DSCAM: variants seen among roughly 807,000 people sequenced by gnomAD.
DSCAM encodes cell adhesion molecule DSCAM.
A neutral mutation model predicts 217.7 loss-of-function variants in DSCAM; 47 were observed. The ratio of observed to expected loss-of-function variants is 0.22; its 90% confidence interval spans 0.17 to 0.28. DSCAM has a LOEUF of 0.28. DSCAM is among the 10% of genes least tolerant of loss of function. The probability of loss-of-function intolerance (pLI) is 1.00; values close to 1 mark genes in which losing one functional copy is unlikely to be tolerated. For synonymous variants in DSCAM, 1,056 were observed against 1,015.3 expected (o/e 1.04, Z -0.76); for missense variants, 2,080 against 2,618.3 (o/e 0.79, Z 4.49).
intron 3 of DSCAM, among the ~76,000 whole-genome samples, chr21:40,391,235 C>A (rs1246124187): frequency 1.3e-5 from 2 of 152,130 alleles, no homozygotes; most frequent in Non-Finnish European, 2.9e-5. Context: ...GAATGAGCAG[C>A]AATGAGTATT....
intron 3 of DSCAM, among the ~76,000 whole-genome samples, chr21:40,586,211 T>C (rs1444867951): frequency 6.6e-6 from 1 of 152,186 alleles, no homozygotes; most frequent in Non-Finnish European, 1.5e-5. Context: ...GGCTCCCCTT[T>C]GCCTTCCACT....
chr21:40,472,040 GGT>G (rs756208268), intron 3 of DSCAM, among the ~76,000 whole-genome samples: 2 of 152,204 alleles, frequency 1.3e-5, no homozygotes, highest in Middle Eastern at 6.8e-3. Context: ...GAGAACATGC[GGT>G]GTTTGGTTTT....
At position 40,153,099 on chromosome 21, in the gene DSCAM, G is replaced by A. The variant is rs184489033; in HGVS notation, c.3019-8368C>T. 8.8e-4 allele frequency among the ~76,000 whole-genome samples: 134 copies of A among 152,296 alleles called. 1 individual carries two copies. The highest frequency in any genetic ancestry group is 2.9e-3 in the African/African-American group (121 of 41,554). ...TCATTTCCCTTATGTGACAAGTTGGGTGGACAGTCTTTTTCATCTTTGTGC... is the reference window on the plus strand; with the variant it reads ...TCATTTCCCTTATGTGACAAGTTGGATGGACAGTCTTTTTCATCTTTGTGC... On this transcript the variant is annotated intron_variant, in intron 16 of 32. Coordinates refer to ENST00000400454, the MANE Select transcript of DSCAM (RefSeq NM_001389.5).
intron 11 of DSCAM, among the ~76,000 whole-genome samples, chr21:40,253,891 C>T (rs1287357841): frequency 6.6e-6 from 1 of 152,158 alleles, no homozygotes; most frequent in Non-Finnish European, 1.5e-5. Context: ...TTCCTGAATG[C>T]TGTAAGAGGT....
intron 16 of DSCAM, among the ~76,000 whole-genome samples, chr21:40,166,802 G>C (rs2090599341): frequency 6.6e-6 from 1 of 152,124 alleles, no homozygotes; most frequent in African/African-American, 2.4e-5. Context: ...CTAGTTAGTG[G>C]CACAGTGAGG....
chr21:40,021,510 C>T (rs2088272431), intron 32 of DSCAM, among the ~76,000 whole-genome samples: 1 of 152,212 alleles, frequency 6.6e-6, no homozygotes, highest in Non-Finnish European at 1.5e-5. Context: ...TCACCAAAAC[C>T]CAGTGCAGAT....
In DSCAM at chr21:40,616,834, G is replaced by A. The variant is rs181102452; in HGVS notation, c.508+75976C>T. ...AGATCGAGACAATCCCGGCTAAAAC[G>A]GTGAAACACCGACTCTACTAAAAAT... On this transcript the variant is annotated intron_variant, in intron 3 of 32. Coordinates refer to ENST00000400454, the MANE Select transcript of DSCAM (RefSeq NM_001389.5). Among the ~76,000 whole-genome samples the A allele has an allele frequency of 7.4e-4, 112 of 151,864 alleles. 1 individual carries two copies. Among genetic ancestry groups the A allele is most frequent in the Middle Eastern group, 3.4e-3 (1 of 294 alleles).
intron 3 of DSCAM, among the ~76,000 whole-genome samples, chr21:40,454,184 T>A (rs1239869387): frequency 6.6e-6 from 1 of 152,186 alleles, no homozygotes; most frequent in Non-Finnish European, 1.5e-5. Context: ...GTCTAAACTC[T>A]CACCATGTTC....
chr21:40,827,377 G>A (rs4818183), intron 1 of DSCAM, among the ~76,000 whole-genome samples: 85,234 of 150,868 alleles, frequency 0.56, 24,473 homozygotes, highest in Non-Finnish European at 0.61. Context: ...GCTGAGGTGG[G>A]AGGATCACTC....
At chr21:40,286,897 T>C (rs2073833697) in intron 10 of DSCAM, among the ~76,000 whole-genome samples, 1 of 149,738 alleles carries the variant, frequency 6.7e-6, no homozygotes, top group African/African-American at 2.5e-5. Context: ...GATCCACAGG[T>C]GGATCTGAAG....
At chr21:40,353,435 A>G (rs367608746) in intron 5 of DSCAM, 30 bp downstream of exon 5, 3 of 1,588,476 alleles carry the variant, frequency 1.9e-6, no homozygotes, top group Non-Finnish European at 1.7e-6. Context: ...GGAAGCCAAC[A>G]CCACCTTTGC....
At chr21:40,148,879 A>G (rs966346347) in intron 16 of DSCAM, among the ~76,000 whole-genome samples, 1 of 152,134 alleles carries the variant, frequency 6.6e-6, no homozygotes, top group Non-Finnish European at 1.5e-5. Context: ...CTAATGGTAG[A>G]AGCACCTCTA....
At chr21:40,536,156 G>A (rs1241682553) in intron 3 of DSCAM, among the ~76,000 whole-genome samples, 1 of 152,176 alleles carries the variant, frequency 6.6e-6, no homozygotes, top group Non-Finnish European at 1.5e-5. Flanking sequence ...GCATCAGCAT[G>A]TTCGATTTTA....
chr21:40,369,385 C>CGCGTGT (rs143618739), intron 3 of DSCAM, 140 bp from the exon 4 acceptor site: 3 of 385,400 alleles, frequency 7.8e-6, no homozygotes, highest in African/African-American at 4.3e-5. Context: ...CGTGCGTCTG[C>CGCGTGT]GTGTGTGTGT....
chr21:40,318,415 A>C (rs1026822699), intron 8 of DSCAM, among the ~76,000 whole-genome samples: 1 of 151,902 alleles, frequency 6.6e-6, no homozygotes, highest in African/African-American at 2.4e-5. Context: ...CATGGCAGGG[A>C]CAAGAGTGAA....
chr21:40,246,304 G>C (rs2073222973), intron 11 of DSCAM, among the ~76,000 whole-genome samples: 1 of 128,172 alleles, frequency 7.8e-6, no homozygotes, highest in African/African-American at 3.1e-5. Context: ...ATCAAATGAG[G>C]TCAAAAGTTC....
chr21:40,371,130 C>G (rs934991366), intron 3 of DSCAM, among the ~76,000 whole-genome samples: 6 of 152,060 alleles, frequency 3.9e-5, no homozygotes, highest in Admixed American at 1.3e-4. Flanking sequence ...CCAAACAATT[C>G]CAGTTAGACA....
intron 30 of DSCAM, among the ~76,000 whole-genome samples, chr21:40,044,957 TA>T (rs1261254517): frequency 1.3e-5 from 2 of 152,126 alleles, no homozygotes; most frequent in African/African-American, 4.8e-5. Context: ...GGTTTGGAAA[TA>T]AGGTCATCAC....
At chr21:40,824,578 T>C (rs1169884498) in intron 1 of DSCAM, among the ~76,000 whole-genome samples, 2 of 152,024 alleles carry the variant, frequency 1.3e-5, no homozygotes, top group Non-Finnish European at 2.9e-5. Context: ...CCCAGCTTAC[T>C]TTTTAAAAAA....
Sources: gnomAD v4.1 joint callset for allele counts (sites outside exome capture counted in the v4.1 genomes callset) on GRCh38, gnomAD v4.1.1 for gene constraint, MANE v1.5 for transcripts, NCBI Gene and HGNC (gene_info 2026-07-23, HGNC 2026-07-21) for gene names.